The following TM4SF4 variants were observed in gnomAD, a reference collection of about 807,000 sequenced individuals.
TM4SF4 encodes the protein transmembrane 4 L6 family member 4.
A neutral mutation model predicts 24.1 loss-of-function variants in TM4SF4; 24 were observed. The ratio of observed to expected loss-of-function variants is 1.00; its 90% CI spans 0.72 to 1.40. The LOEUF is 1.40. Among genes scored for constraint, TM4SF4 ranks in the 40% most tolerant of loss-of-function variants. The pLI is 0.00. For missense variants in TM4SF4, 254 were observed against 254.2 expected, an observed-to-expected ratio of 1.00 and a Z score of 0.01; for synonymous variants, 113 against 97.0, an observed-to-expected ratio of 1.17 and a Z score of -0.97.
At chr3:149,489,401 C>A (rs1308238984) in intron 3 of TM4SF4, among the ~76,000 whole-genome samples, 1 of 152,144 alleles carries the variant, frequency 6.6e-6, no homozygotes, top group Non-Finnish European at 1.5e-5. Context: ...ATAATACTAC[C>A]CTAGGAATTT....
Position 149,477,161 on chromosome 3 carries a change from G to A in TM4SF4, c.264+1249G>A, listed in dbSNP as rs537555972. ...CTAACAAAGAGAGGACAAGTCTTAG[G>A]CTCCAGGAATGAATGCAACGTTGTT... On this transcript the variant is annotated intron_variant, in intron 2 of 4. Transcript: ENST00000305354. Among the ~76,000 whole-genome samples, 12 of 152,180 alleles carry A rather than the reference G, an allele frequency of 7.9e-5. No individual in the cohort carries two copies. The South Asian group carries it at 2.5e-3, about 32-fold the overall frequency.
Position 149,502,736 on chromosome 3 carries a change from C to T in TM4SF4, c.*43C>T. The T allele has an allele frequency of 6.8e-7, 1 of 1,468,210 alleles. No individual in the cohort carries two copies. The highest frequency in any genetic ancestry group is 9.5e-7 in the Non-Finnish European group (1 of 1,055,230). The allele number at this position is 1,468,210 out of a possible 1,614,324, so 90.9% of individuals were successfully genotyped here. A position where few individuals can be genotyped will look rare whatever the true frequency, so the allele number is the denominator to read the frequency against. ...CTCAGACTCTACAGCATGACGACTA[C>T]AATTTCTTTTCATAAAACTTCTTCT... On this transcript the variant is annotated 3_prime_UTR_variant, in exon 5 of 5. Transcript: ENST00000305354.
chr3:149,500,892 G>A (rs151010530), intron 4 of TM4SF4, among the ~76,000 whole-genome samples: 11 of 152,064 alleles, frequency 7.2e-5, no homozygotes, highest in African/African-American at 2.7e-4. Flanking sequence ...AGATGTGGTG[G>A]CATGCACCTG....
chr3:149,484,487 G>A lies in TM4SF4; in HGVS notation c.265-3132G>A, dbSNP rs919114621. Among the ~76,000 whole-genome samples the A allele has an allele frequency of 1.4e-4, 22 of 151,790 alleles. No individual in the cohort carries two copies. In the South Asian group the frequency reaches 2.1e-3, roughly 14 times the overall value. ...CAACCTCTGCCTCTCGGGCTCAAGC[G>A]ATTCTCCTGCCTCAGCCTCTTGAGT... On this transcript the variant is annotated intron_variant, in intron 2 of 4. Transcript: ENST00000305354.
intron 2 of TM4SF4, among the ~76,000 whole-genome samples, chr3:149,482,396 A>G (rs1013553392): frequency 6.6e-6 from 1 of 152,220 alleles, no homozygotes; most frequent in Non-Finnish European, 1.5e-5. Flanking sequence ...CTGATTCCAA[A>G]GTCTGCCAAC....
intron 2 of TM4SF4, among the ~76,000 whole-genome samples, chr3:149,480,348 A>T (rs1734013357): frequency 6.6e-6 from 1 of 152,160 alleles, no homozygotes. Context: ...AGCCTTTTGT[A>T]AATCTTGGAT....
chr3:149,483,903 C>G (rs1044969143), intron 2 of TM4SF4, among the ~76,000 whole-genome samples: 5 of 152,048 alleles, frequency 3.3e-5, no homozygotes, highest in African/African-American at 1.2e-4. Context: ...ACCTCAGCCT[C>G]CTGAGTAGCT....
intron 3 of TM4SF4, among the ~76,000 whole-genome samples, chr3:149,488,696 T>C (rs1475135416): frequency 6.6e-6 from 1 of 152,204 alleles, no homozygotes; most frequent in African/African-American, 2.4e-5. Context: ...ATTTCCATCA[T>C]GGTAAATGGA....
chr3:149,495,765 G>A (rs1171088804), intron 3 of TM4SF4: 8 of 230,884 alleles, frequency 3.5e-5, no homozygotes, highest in South Asian at 1.2e-4. Flanking sequence ...ATCGATCATC[G>A]TTCTAGTAAG....
At chr3:149,476,050 A>AT (rs1035457603) in intron 2 of TM4SF4, 138 bp downstream of exon 2, 65 of 693,764 alleles carry the variant, frequency 9.4e-5, no homozygotes, top group South Asian at 3.7e-4. Context: ...TAAAACTGTG[A>AT]TTTTTCCTGC....
At chr3:149,475,974 G>C in intron 2 of TM4SF4, 62 bp downstream of exon 2, 1 of 1,410,392 alleles carries the variant, frequency 7.1e-7, no homozygotes, top group Non-Finnish European at 9.9e-7. Flanking sequence ...TTTTGTGCTG[G>C]GCAGCATGGG....
intron 3 of TM4SF4, among the ~76,000 whole-genome samples, chr3:149,496,332 C>A (rs1207320911): frequency 6.6e-6 from 1 of 152,030 alleles, no homozygotes; most frequent in African/African-American, 2.4e-5. Flanking sequence ...ACCTCAGCCT[C>A]CCAAGTAGGT....
rs1734362634 is a variant in TM4SF4 at position 149,498,824 on chromosome 3, A to T, written c.504A>T (p.Gly168=). ...TLFSILLVVG[G]IQMVLCAIQV... is the part of the protein sequence containing the mutation. ...TCTCCATCCTGCTGGTCGTAGGAGG[A>T]ATCCAGATGGTTCTCTGCGCCATCC... The change falls in exon 4 of 5, where the codon GGA becomes GGT. Residue 168 remains glycine (G), a synonymous_variant. Coordinates refer to ENST00000305354, the MANE Select transcript of TM4SF4 (RefSeq NM_004617.4). The T allele has an allele frequency of 2.5e-6, 4 of 1,613,954 alleles. No homozygotes were observed.
intron 4 of TM4SF4, among the ~76,000 whole-genome samples, chr3:149,501,296 T>C (rs1157257776): frequency 6.6e-6 from 1 of 152,144 alleles, no homozygotes; most frequent in Non-Finnish European, 1.5e-5. Context: ...AGGGTGAATG[T>C]ACACACAAGA....
chr3:149,501,457 C>T (rs775918920), intron 4 of TM4SF4, among the ~76,000 whole-genome samples: 3 of 152,226 alleles, frequency 2.0e-5, no homozygotes, highest in Non-Finnish European at 4.4e-5. Context: ...TATACTTTCA[C>T]CCATGTTCAC....
intron 3 of TM4SF4, among the ~76,000 whole-genome samples, chr3:149,492,441 G>A (rs568166934): frequency 2.6e-5 from 4 of 152,084 alleles, no homozygotes; most frequent in Non-Finnish European, 5.9e-5. Flanking sequence ...ATACCCTCTT[G>A]GTTTCCTTTG....
chr3:149,502,155 C>T (rs895407467), intron 4 of TM4SF4, among the ~76,000 whole-genome samples: 1 of 152,196 alleles, frequency 6.6e-6, no homozygotes, highest in Non-Finnish European at 1.5e-5. Flanking sequence ...TGGGTTCTGC[C>T]TCCCTGGTTC....
chr3:149,475,673 C>G (rs926181842), intron 1 of TM4SF4, 150 bp from the exon 2 acceptor site: 2 of 650,970 alleles, frequency 3.1e-6, no homozygotes, highest in Admixed American at 5.1e-5. Context: ...CATAACACTC[C>G]ATTACCCCTC....
chr3:149,484,438 T>C (rs13084693), intron 2 of TM4SF4, among the ~76,000 whole-genome samples: 61,659 of 151,946 alleles, frequency 0.41, 12,980 homozygotes, highest in Non-Finnish European at 0.47. Context: ...GGCTGGAGTG[T>C]AGTGGTGCCA....
Sources: allele counts gnomAD v4.1 joint callset (sites outside exome capture counted in the v4.1 genomes callset), GRCh38; gene constraint gnomAD v4.1.1; transcripts MANE v1.5; gene names NCBI Gene and HGNC (gene_info 2026-07-23, HGNC 2026-07-21).